Variants in THSD4 observed in about 807,000 individuals in gnomAD.
The protein encoded by THSD4 is thrombospondin type 1 domain containing 4, also known as thrombospondin type-1 domain-containing protein 4.
A neutral mutation model predicts 119.0 loss-of-function variants in THSD4; 69 were observed. The ratio of observed to expected loss-of-function variants is 0.58; its 90% CI spans 0.48 to 0.71. The LOEUF (loss-of-function observed/expected upper bound fraction) is 0.71. THSD4 is among the 30% of genes least tolerant of loss of function. THSD4 has a pLI of 0.00. For missense variants in THSD4, 1,393 were observed against 1,391.1 expected (o/e 1.00, Z -0.02); for synonymous variants, 524 against 540.4 (o/e 0.97, Z 0.42).
intron 7 of THSD4, 50 bp from the exon 8 acceptor site, chr15:71,660,480 G>T: frequency 6.2e-7 from 1 of 1,606,682 alleles, no homozygotes. Context: ...TCCTTCCTCT[G>T]CATGCTCCTG....
intron 7 of THSD4, among the ~76,000 whole-genome samples, chr15:71,656,000 G>T (rs1333489172): frequency 1.3e-5 from 2 of 152,150 alleles, no homozygotes; most frequent in African/African-American, 4.8e-5. Context: ...AGGTTTTCTG[G>T]TTTGCAGCCC....
intron 7 of THSD4, among the ~76,000 whole-genome samples, chr15:71,639,409 C>T (rs1236009535): frequency 6.6e-6 from 1 of 152,072 alleles, no homozygotes; most frequent in Non-Finnish European, 1.5e-5. Context: ...AATACAGGAC[C>T]AAAATGCACT....
chr15:71,492,430 A>G (rs537381803), intron 7 of THSD4, among the ~76,000 whole-genome samples: 2 of 137,212 alleles, frequency 1.5e-5, no homozygotes, highest in East Asian at 2.0e-4. Flanking sequence ...ATGCCCATCT[A>G]TTTTTGTTGT....
At chr15:71,431,829 C>G (rs1397278592) in intron 7 of THSD4, among the ~76,000 whole-genome samples, 1 of 152,080 alleles carries the variant, frequency 6.6e-6, no homozygotes, top group Admixed American at 6.6e-5. Context: ...GTGTCATAGC[C>G]TATAATTTAT....
At chr15:71,740,630 C>A (rs1329505492) in intron 11 of THSD4, among the ~76,000 whole-genome samples, 1 of 152,174 alleles carries the variant, frequency 6.6e-6, no homozygotes, top group Non-Finnish European at 1.5e-5. Context: ...AAACTCATAA[C>A]CAAATGTTCC....
chr15:71,174,860 C>T (rs1162487279), intron 3 of THSD4, among the ~76,000 whole-genome samples: 2 of 151,322 alleles, frequency 1.3e-5, no homozygotes, highest in African/African-American at 4.8e-5. Context: ...CTGGGAGGCA[C>T]CCCCCAGCAG....
chr15:71,291,071 ACTT>A (rs1421491139), intron 6 of THSD4, among the ~76,000 whole-genome samples: 3 of 151,714 alleles, frequency 2.0e-5, no homozygotes, highest in African/African-American at 7.3e-5. Context: ...TTCCTTCTTG[ACTT>A]CTTGTAAGGT....
rs115661420 is a variant in THSD4 at position 71,253,469 on chromosome 15, G to A, written c.913-3144G>A. 4.9e-3 allele frequency among the ~76,000 whole-genome samples: 744 copies of A among 151,872 alleles called. 5 individuals carry two copies. Among genetic ancestry groups the A allele is most frequent in the South Asian group, 0.018 (86 of 4,798 alleles). ...GTCGCCCAGGCTAGAGTGCAGAGGC[G>A]TGATCTCAGCTCATTGCAACCTCTG... On this transcript the variant is annotated intron_variant, in intron 5 of 17. Transcript: ENST00000261862.
At chr15:71,306,572 A>T (rs78617870) in intron 6 of THSD4, among the ~76,000 whole-genome samples, 177 of 152,296 alleles carry the variant, frequency 1.2e-3, no homozygotes, top group African/African-American at 4.2e-3. Context: ...TTTGTGTTTT[A>T]TAAAGTATGG....
intron 6 of THSD4, among the ~76,000 whole-genome samples, chr15:71,394,921 G>C (rs950416643): frequency 6.6e-6 from 1 of 152,220 alleles, no homozygotes; most frequent in Non-Finnish European, 1.5e-5. Flanking sequence ...ACAGATGTCA[G>C]TATGAAAGGC....
chr15:71,674,190 G>T (rs1275742431), intron 8 of THSD4, among the ~76,000 whole-genome samples: 2 of 152,152 alleles, frequency 1.3e-5, no homozygotes, highest in Non-Finnish European at 2.9e-5. Flanking sequence ...GCATCCAGTG[G>T]TCTAAGTGGC....
At chr15:71,242,047 A>G (rs908483111) in intron 4 of THSD4, among the ~76,000 whole-genome samples, 1 of 152,198 alleles carries the variant, frequency 6.6e-6, no homozygotes, top group Non-Finnish European at 1.5e-5. Flanking sequence ...GAAGGAGCCA[A>G]GTATTTAACG....
rs1055444302 is a variant in THSD4 at position 71,641,825 on chromosome 15, TA to T, written c.1153-18693del. Among the ~76,000 whole-genome samples, 308 of 145,974 alleles carry T rather than the reference TA, an allele frequency of 2.1e-3. No homozygotes were observed. The East Asian group carries it at 0.026, about 13-fold the overall frequency. On this transcript the variant is annotated intron_variant, in intron 7 of 17. Coordinates refer to ENST00000261862, the MANE Select transcript of THSD4 (RefSeq NM_024817.3). ...AAGGTACAATGCTAAAAAGAAACTG[TA>T]AAAAAAAAAAATTGATACCTATACC...
chr15:71,511,885 C>T (rs533685666), intron 7 of THSD4, among the ~76,000 whole-genome samples: 16 of 152,118 alleles, frequency 1.1e-4, no homozygotes, highest in Non-Finnish European at 2.2e-4. Flanking sequence ...GAGACGGTGT[C>T]GGGAATTTTA....
chr15:71,618,775 G>T (rs776352026), intron 7 of THSD4, among the ~76,000 whole-genome samples: 3 of 151,992 alleles, frequency 2.0e-5, no homozygotes, highest in Non-Finnish European at 4.4e-5. Context: ...ACAGGGTCTC[G>T]CCATGTTGCC....
In THSD4 at chr15:71,615,858, A is replaced by G. The variant is rs367556151; in HGVS notation, c.1153-44672A>G. ...GTGTGCAGGTTGAGCCCAGCACCCC[A>G]GGGAACGATGCCTCTTTAGTGTGGA... is the stretch of plus-strand genomic sequence containing the variant. On this transcript the variant is annotated intron_variant, in intron 7 of 17. Transcript: ENST00000261862. 1.7e-4 allele frequency among the ~76,000 whole-genome samples: 26 copies of G among 152,308 alleles called. 1 individual carries two copies. Among genetic ancestry groups the G allele is most frequent in the Admixed American group, 3.9e-4 (6 of 15,292 alleles).
At chr15:71,629,764 C>G (rs996020487) in intron 7 of THSD4, among the ~76,000 whole-genome samples, 2 of 152,182 alleles carry the variant, frequency 1.3e-5, no homozygotes, top group African/African-American at 4.8e-5. Context: ...TGCCCCCATC[C>G]CAAATCAAAT....
At chr15:71,272,589 A>G (rs2044545034) in intron 6 of THSD4, among the ~76,000 whole-genome samples, 2 of 152,008 alleles carry the variant, frequency 1.3e-5, no homozygotes, top group South Asian at 4.1e-4. Flanking sequence ...TAGAATGGCC[A>G]TTAGAAAAAA....
chr15:71,529,536 G>C (rs2140808490), intron 7 of THSD4, among the ~76,000 whole-genome samples: 1 of 152,310 alleles, frequency 6.6e-6, no homozygotes, highest in Middle Eastern at 3.4e-3. Flanking sequence ...TCAATTGAAA[G>C]CTGGGGTTAG....
Sources: allele counts gnomAD v4.1 joint callset (sites outside exome capture counted in the v4.1 genomes callset), GRCh38; gene constraint gnomAD v4.1.1; transcripts MANE v1.5; gene names NCBI Gene and HGNC (gene_info 2026-07-23, HGNC 2026-07-21).